TPRG1: variants seen among roughly 807,000 people sequenced by gnomAD.
The protein encoded by TPRG1 is tumor protein p63 regulated 1.
Under a neutral mutation model 29.3 loss-of-function variants are expected in TPRG1, and 29 were observed. The ratio of observed to expected loss-of-function variants is 0.99; its 90% CI spans 0.74 to 1.35. The LOEUF is 1.35. TPRG1 is among the 40% of genes most tolerant of loss of function. The pLI is 0.00. For synonymous variants in TPRG1, 130 were observed against 116.8 expected (o/e 1.11, Z -0.73); for missense variants, 327 against 335.0 (o/e 0.98, Z 0.19).
intron 4 of TPRG1, among the ~76,000 whole-genome samples, chr3:189,086,576 G>A (rs1362958419): frequency 6.7e-6 from 1 of 148,818 alleles, no homozygotes; most frequent in African/African-American, 2.5e-5. Flanking sequence ...TGCCTAGGCT[G>A]GAGTGCAATG....
intron 4 of TPRG1, among the ~76,000 whole-genome samples, chr3:189,278,052 T>G (rs1366206612): frequency 1.3e-5 from 2 of 152,234 alleles, no homozygotes; most frequent in Non-Finnish European, 2.9e-5. Context: ...GCTTTGTGTC[T>G]GCAGGCTGAT....
intron 1 of TPRG1, among the ~76,000 whole-genome samples, chr3:189,198,296 C>T (rs1265917448): frequency 6.6e-6 from 1 of 152,156 alleles, no homozygotes; most frequent in East Asian, 1.9e-4. Context: ...ACTCGCATTC[C>T]CCTCTTCCCA....
At chr3:189,100,582 C>T (rs567581568) in intron 1 of TPRG1, among the ~76,000 whole-genome samples, 2 of 152,288 alleles carry the variant, frequency 1.3e-5, no homozygotes, top group South Asian at 4.1e-4. Flanking sequence ...AAATGTATTA[C>T]TTTTGCAAAT....
chr3:189,111,117 C>CG (rs1720465494), intron 1 of TPRG1, among the ~76,000 whole-genome samples: 1 of 151,066 alleles, frequency 6.6e-6, no homozygotes, highest in Non-Finnish European at 1.5e-5. Flanking sequence ...AACAAACAAA[C>CG]AAAAAAAATC....
intron 3 of TPRG1, among the ~76,000 whole-genome samples, chr3:189,015,947 C>T (rs1712908457): frequency 6.6e-6 from 1 of 152,156 alleles, no homozygotes; most frequent in Admixed American, 6.5e-5. Context: ...TTGGAGCCCC[C>T]ACACAGAGTC....
intron 4 of TPRG1, among the ~76,000 whole-genome samples, chr3:189,271,953 T>C (rs1279090154): frequency 6.6e-6 from 1 of 152,018 alleles, no homozygotes; most frequent in Non-Finnish European, 1.5e-5. Context: ...TCTAAAAGAG[T>C]GGGTATATCG....
chr3:189,315,576 C>T (rs1222191620), intron 5 of TPRG1: 4 of 443,896 alleles, frequency 9.0e-6, no homozygotes, highest in Non-Finnish European at 1.8e-5. Flanking sequence ...TGCCCTACAA[C>T]CATCATGATC....
intron 4 of TPRG1, among the ~76,000 whole-genome samples, chr3:189,292,778 G>A (rs1719230961): frequency 6.6e-6 from 1 of 152,190 alleles, no homozygotes; most frequent in Non-Finnish European, 1.5e-5. Flanking sequence ...ACATCCCTTA[G>A]TGACTGGCTC....
At chr3:189,175,771 A>C (rs1249423121) in intron 1 of TPRG1, among the ~76,000 whole-genome samples, 2 of 152,260 alleles carry the variant, frequency 1.3e-5, no homozygotes, top group Admixed American at 1.3e-4. Context: ...TAAGCAACCT[A>C]TAAGACTCAT....
At chr3:189,136,781 G>A (rs146403081) in intron 3 of TPRG1, among the ~76,000 whole-genome samples, 1 of 152,138 alleles carries the variant, frequency 6.6e-6, no homozygotes, top group Non-Finnish European at 1.5e-5. Context: ...CAGTTTGGGG[G>A]CAATCCATAC....
At chr3:189,055,142 T>C (rs1216234426) in intron 4 of TPRG1, among the ~76,000 whole-genome samples, 1 of 152,202 alleles carries the variant, frequency 6.6e-6, no homozygotes, top group East Asian at 1.9e-4. Flanking sequence ...AGGCTAGAAA[T>C]ATGAGATCCT....
intron 4 of TPRG1, among the ~76,000 whole-genome samples, chr3:189,291,677 A>G (rs1212481649): frequency 6.6e-6 from 1 of 152,242 alleles, no homozygotes; most frequent in Admixed American, 6.5e-5. Flanking sequence ...CTGAGAAGCC[A>G]AGTCCCTGTT....
intron 1 of TPRG1, among the ~76,000 whole-genome samples, chr3:189,114,303 A>G (rs530482858): frequency 1.7e-4 from 25 of 151,468 alleles, no homozygotes; most frequent in Non-Finnish European, 3.2e-4. Flanking sequence ...TTGTTTTAAG[A>G]TGGAGTCTCC....
chr3:189,130,636 T>C (rs574898382), intron 2 of TPRG1, among the ~76,000 whole-genome samples: 328 of 152,280 alleles, frequency 2.2e-3, no homozygotes, highest in Non-Finnish European at 3.7e-3. Flanking sequence ...TTCCCTTCTG[T>C]GAGTGTGAGG....
chr3:189,162,809 C>A (rs1430965665), intron 5 of TPRG1, among the ~76,000 whole-genome samples: 2 of 152,130 alleles, frequency 1.3e-5, no homozygotes, highest in African/African-American at 4.8e-5. Flanking sequence ...GCCCAATTTT[C>A]CCACCTATAA....
At chr3:189,143,632 C>G (rs542899530) in intron 3 of TPRG1, among the ~76,000 whole-genome samples, 15 of 152,154 alleles carry the variant, frequency 9.9e-5, no homozygotes, top group Admixed American at 4.6e-4. Context: ...TAGGAAGTAA[C>G]CTCTTAATTC....
chr3:189,210,655 C>T (rs941781047), intron 2 of TPRG1, among the ~76,000 whole-genome samples: 1 of 152,152 alleles, frequency 6.6e-6, no homozygotes, highest in Non-Finnish European at 1.5e-5. Context: ...TGTCCTGAGA[C>T]CACATTTTGA....
chr3:189,047,444 G>C (rs193044238), intron 4 of TPRG1, among the ~76,000 whole-genome samples: 83 of 152,302 alleles, frequency 5.4e-4, no homozygotes, highest in Admixed American at 1.4e-3. Flanking sequence ...TTTTACTGGT[G>C]GAGGGTCTTG....
intron 4 of TPRG1, 29 bp from the exon 5 acceptor site, chr3:189,310,357 T>C: frequency 1.3e-6 from 2 of 1,533,880 alleles, no homozygotes; most frequent in Non-Finnish European, 1.8e-6. Context: ...TGGAAATGAC[T>C]AATCTAATGG....
Sources: allele counts gnomAD v4.1 joint callset (sites outside exome capture counted in the v4.1 genomes callset), GRCh38; gene constraint gnomAD v4.1.1; transcripts MANE v1.5; gene names NCBI Gene and HGNC (gene_info 2026-07-23, HGNC 2026-07-21).